The following NRP1 variants were observed in gnomAD, a reference collection of about 807,000 sequenced individuals.
NRP1 encodes neuropilin-1.
In NRP1, 35 loss-of-function variants were observed where a neutral mutation model predicts 106.7. The observed-to-expected ratio is 0.33, with a 90% CI of 0.25 to 0.43. The LOEUF (loss-of-function observed/expected upper bound fraction) is 0.43, where lower values mean the gene tolerates loss of function less well. Among genes scored for constraint, NRP1 ranks in the 20% least tolerant of loss-of-function variants. NRP1 has a pLI of 1.00. For missense variants in NRP1, 1,024 were observed against 1,170.4 expected (o/e 0.87, Z 1.83); for synonymous variants, 437 against 417.9 (o/e 1.05, Z -0.56).
intron 2 of NRP1, among the ~76,000 whole-genome samples, chr10:33,320,920 C>T (rs528748277): frequency 1.6e-4 from 24 of 150,788 alleles, no homozygotes; most frequent in Admixed American, 3.9e-4. Flanking sequence ...CAGACTGTCA[C>T]ATTAACTGGA....
In NRP1 at chr10:33,180,199, A is replaced by G. The variant is rs2132561269; in HGVS notation, c.2649T>C (p.Cys883=). The G allele has an allele frequency of 6.2e-7, 1 of 1,614,110 alleles. No individual in the cohort carries two copies. The highest frequency in any genetic ancestry group is 8.5e-7 in the Non-Finnish European group (1 of 1,180,030). The stretch of plus-strand genomic sequence containing the variant: ...TTCTTTCTGACATCCCATTATGCCA[A>G]CAGGCACAGTACAGCACGACCCCAC... ...AVCGVVLYCA[C]WHNGMSERNL... The change falls in exon 17 of 17, where the codon TGT becomes TGC. Residue 883 remains cysteine, a synonymous_variant. Coordinates refer to ENST00000374867, the MANE Select transcript of NRP1 (RefSeq NM_003873.7).
chr10:33,188,116 G>C (rs1246773158), intron 13 of NRP1, among the ~76,000 whole-genome samples: 1 of 152,034 alleles, frequency 6.6e-6, no homozygotes, highest in Non-Finnish European at 1.5e-5. Context: ...CTTGTCTGTG[G>C]GATGGTGCCA....
intron 6 of NRP1, chr10:33,249,348 A>T (rs1588842579): frequency 2.4e-6 from 1 of 421,764 alleles, no homozygotes; most frequent in East Asian, 6.4e-5. Context: ...GCGGAAATGA[A>T]AAGGAAAAAC....
chr10:33,295,619 G>A (rs1845332927), intron 2 of NRP1, among the ~76,000 whole-genome samples: 1 of 152,134 alleles, frequency 6.6e-6, no homozygotes, highest in Non-Finnish European at 1.5e-5. Context: ...TGAGGTGTGA[G>A]GATCACTTGA....
At chr10:33,305,288 AAAT>A (rs1226942854) in intron 2 of NRP1, among the ~76,000 whole-genome samples, 1 of 152,244 alleles carries the variant, frequency 6.6e-6, no homozygotes, top group Admixed American at 6.5e-5. Context: ...CATCCTAGGA[AAAT>A]AATAATTGAT....
At chr10:33,312,188 G>A (rs988451221) in intron 2 of NRP1, among the ~76,000 whole-genome samples, 5 of 152,148 alleles carry the variant, frequency 3.3e-5, no homozygotes, top group African/African-American at 1.2e-4. Flanking sequence ...CAAGTTTCCT[G>A]TCTGTAATTG....
chr10:33,310,834 T>C (rs1846555991), intron 2 of NRP1, among the ~76,000 whole-genome samples: 1 of 152,232 alleles, frequency 6.6e-6, no homozygotes, highest in Non-Finnish European at 1.5e-5. Context: ...TGGATAATTA[T>C]TATTTTTAGA....
chr10:33,191,833 C>T (rs1836433900), intron 13 of NRP1, among the ~76,000 whole-genome samples: 1 of 151,892 alleles, frequency 6.6e-6, no homozygotes, highest in Non-Finnish European at 1.5e-5. Context: ...AAAAAATTAG[C>T]TGGGTGTGGT....
intron 3 of NRP1, among the ~76,000 whole-genome samples, chr10:33,267,374 G>C (rs1239350868): frequency 6.6e-6 from 1 of 152,174 alleles, no homozygotes; most frequent in Non-Finnish European, 1.5e-5. Flanking sequence ...ACAGGCATTT[G>C]GAGTTAGTGA....
chr10:33,317,969 G>A (rs1847157877), intron 2 of NRP1, among the ~76,000 whole-genome samples: 1 of 152,200 alleles, frequency 6.6e-6, no homozygotes, highest in African/African-American at 2.4e-5. Flanking sequence ...AGACGTTACT[G>A]TTTACAGTCT....
intron 6 of NRP1, among the ~76,000 whole-genome samples, chr10:33,246,038 A>G (rs1035220893): frequency 5.1e-4 from 77 of 152,302 alleles, no homozygotes; most frequent in African/African-American, 1.8e-3. Flanking sequence ...GTGTGTTGAC[A>G]TGAAATTAGT....
chr10:33,242,542 A>G (rs761445445), intron 6 of NRP1, among the ~76,000 whole-genome samples: 6 of 152,214 alleles, frequency 3.9e-5, no homozygotes, highest in Non-Finnish European at 8.8e-5. Context: ...ACTTCAAAAA[A>G]TTCTTTTCTC....
chr10:33,289,222 C>T (rs1410478199), intron 2 of NRP1, among the ~76,000 whole-genome samples: 1 of 152,048 alleles, frequency 6.6e-6, no homozygotes, highest in Non-Finnish European at 1.5e-5. Flanking sequence ...CAAAGCATGG[C>T]GGGGTGTACT....
chr10:33,317,924 T>C (rs138928332), intron 2 of NRP1, among the ~76,000 whole-genome samples: 4 of 152,304 alleles, frequency 2.6e-5, no homozygotes, highest in Non-Finnish European at 5.9e-5. Flanking sequence ...CTTGGTGCTT[T>C]TGAAATATTT....
At chr10:33,243,157 G>A (rs7920956) in intron 6 of NRP1, among the ~76,000 whole-genome samples, 1,987 of 152,138 alleles carry the variant, frequency 0.013, 35 homozygotes, top group African/African-American at 0.045. Context: ...AAGGCCCCGC[G>A]AGTGAAGTTT....
At chr10:33,256,778 C>T (rs1372483294) in intron 4 of NRP1, among the ~76,000 whole-genome samples, 1 of 152,200 alleles carries the variant, frequency 6.6e-6, no homozygotes, top group East Asian at 1.9e-4. Context: ...ATTGAAGTGG[C>T]ACCTTGGTAC....
At chr10:33,247,096 A>G (rs746680019) in intron 6 of NRP1, among the ~76,000 whole-genome samples, 8 of 152,248 alleles carry the variant, frequency 5.3e-5, no homozygotes, top group Non-Finnish European at 7.3e-5. Context: ...TGACATTCTA[A>G]AGCTTTAAGG....
At chr10:33,258,646 C>G (rs1309414168) in intron 4 of NRP1, among the ~76,000 whole-genome samples, 1 of 152,202 alleles carries the variant, frequency 6.6e-6, no homozygotes, top group African/African-American at 2.4e-5. Flanking sequence ...TGTTTTTTGT[C>G]TCTCTTCAGC....
chr10:33,199,389 A>ATGTATATAT (rs1564372890), intron 11 of NRP1, among the ~76,000 whole-genome samples: 1 of 36,840 alleles, frequency 2.7e-5, no homozygotes, highest in Non-Finnish European at 4.5e-5. Context: ...ATATATATAT[A>ATGTATATAT]TTTTTTTTTT....
Sources: allele counts gnomAD v4.1 joint callset (sites outside exome capture counted in the v4.1 genomes callset), GRCh38; gene constraint gnomAD v4.1.1; transcripts MANE v1.5; gene names NCBI Gene and HGNC (gene_info 2026-07-23, HGNC 2026-07-21).